BMERB1: variants seen among roughly 807,000 people sequenced by gnomAD.
The protein encoded by BMERB1 is bMERB domain containing 1.
BMERB1 carries 12 observed loss-of-function variants against 23.6 expected under a neutral mutation model. The observed-to-expected ratio is 0.51, with a 90% CI of 0.33 to 0.82. The LOEUF (loss-of-function observed/expected upper bound fraction) is 0.82. BMERB1 is among the 40% of genes least tolerant of loss of function. The pLI is 0.03. For missense variants in BMERB1, 247 were observed against 255.4 expected (o/e 0.97, Z 0.22); for synonymous variants, 122 against 96.6 (o/e 1.26, Z -1.54).
chr16:15,504,461 T>A lies in BMERB1; in HGVS notation c.107-10844T>A, dbSNP rs558997182. Among the ~76,000 whole-genome samples, 548 of 151,328 alleles carry A rather than the reference T, an allele frequency of 3.6e-3. 2 individuals are homozygous for A. Among genetic ancestry groups the A allele is most frequent in the African/African-American group, 8.8e-3 (363 of 41,136 alleles). On this transcript the variant is annotated intron_variant, in intron 1 of 5. Coordinates refer to ENST00000300006, the MANE Select transcript of BMERB1 (RefSeq NM_033201.3). ...TCTTCTTAAATTTTTTTTTTTTTTT[T>A]ATTAAAGATAGTGTCTCACTCTGTC...
At chr16:15,448,861 T>G (rs1421088720) in intron 1 of BMERB1, among the ~76,000 whole-genome samples, 1 of 152,104 alleles carries the variant, frequency 6.6e-6, no homozygotes, top group Non-Finnish European at 1.5e-5. Context: ...CCTTCTGCTT[T>G]GAGGGAAAGA....
intron 2 of BMERB1, among the ~76,000 whole-genome samples, chr16:15,559,564 G>A (rs1236661966): frequency 2.6e-5 from 4 of 152,144 alleles, no homozygotes; most frequent in Non-Finnish European, 5.9e-5. Flanking sequence ...CTGCTGTGAC[G>A]GTCTAGAAGA....
chr16:15,438,031 A>G (rs901751118), intron 1 of BMERB1, among the ~76,000 whole-genome samples: 1 of 151,898 alleles, frequency 6.6e-6, no homozygotes, highest in Non-Finnish European at 1.5e-5. Context: ...CTTGCTTCCT[A>G]GTCAAAGGCA....
intron 1 of BMERB1, among the ~76,000 whole-genome samples, chr16:15,454,263 A>G (rs914067850): frequency 6.6e-6 from 1 of 152,230 alleles, no homozygotes; most frequent in Non-Finnish European, 1.5e-5. Flanking sequence ...AATAGGATGT[A>G]ACATAAAGTC....
chr16:15,537,292 A>AT (rs2052034199), intron 2 of BMERB1, among the ~76,000 whole-genome samples: 1 of 151,824 alleles, frequency 6.6e-6, no homozygotes, highest in Non-Finnish European at 1.5e-5. Context: ...TTTTATTTTT[A>AT]TTTTTTTAAA....
intron 1 of BMERB1, among the ~76,000 whole-genome samples, chr16:15,514,528 A>G (rs922153217): frequency 6.6e-6 from 1 of 152,044 alleles, no homozygotes; most frequent in Non-Finnish European, 1.5e-5. Context: ...TGGTGGCCTC[A>G]CGACTGTAAT....
At chr16:15,492,983 A>C (rs969606090) in intron 1 of BMERB1, among the ~76,000 whole-genome samples, 2 of 149,914 alleles carry the variant, frequency 1.3e-5, no homozygotes, top group Admixed American at 1.4e-4. Flanking sequence ...TCTTCTCTCC[A>C]AACTCACAAC....
At chr16:15,581,424 C>A in intron 4 of BMERB1, 93 bp downstream of exon 4, 3 of 1,022,820 alleles carry the variant, frequency 2.9e-6, no homozygotes, top group Non-Finnish European at 4.3e-6. Context: ...GGACTCACAG[C>A]CTTGCCTAAC....
intron 2 of BMERB1, among the ~76,000 whole-genome samples, chr16:15,553,525 C>T (rs1176500202): frequency 6.6e-6 from 1 of 152,212 alleles, no homozygotes; most frequent in Admixed American, 6.5e-5. Context: ...GATTACTCAC[C>T]TCTGCCACTG....
At chr16:15,570,730 G>T (rs1300402730) in intron 3 of BMERB1, among the ~76,000 whole-genome samples, 4 of 150,920 alleles carry the variant, frequency 2.7e-5, no homozygotes, top group African/African-American at 9.9e-5. Context: ...TCGATTGATT[G>T]TACTTATAGC....
intron 2 of BMERB1, among the ~76,000 whole-genome samples, chr16:15,539,372 C>T (rs1030512765): frequency 2.6e-5 from 4 of 152,122 alleles, no homozygotes; most frequent in African/African-American, 9.7e-5. Flanking sequence ...GCTTCACTCA[C>T]TCACCCGCCA....
rs771121939 is a variant in BMERB1, at chr16:15,586,901, G to A, written c.*72G>A. ...TTGTCTTTATAGCCCCCATTTCACC[G>A]GGGCCCAAGAGCTCTCCAAGGCAGA... On this transcript the variant is annotated 3_prime_UTR_variant, in exon 6 of 6. Coordinates refer to ENST00000300006, the MANE Select transcript of BMERB1 (RefSeq NM_033201.3). 80 of 1,018,522 alleles carry A rather than the reference G, an allele frequency of 7.9e-5. No homozygotes were observed. Among genetic ancestry groups the A allele is most frequent in the East Asian group, 1.1e-4 (4 of 37,800 alleles). The allele number at this position is 1,018,522 out of a possible 1,614,324, so 63.1% of individuals were successfully genotyped here.
At chr16:15,474,227 A>G (rs539700374) in intron 1 of BMERB1, among the ~76,000 whole-genome samples, 1 of 139,650 alleles carries the variant, frequency 7.2e-6, no homozygotes, top group East Asian at 2.1e-4. Context: ...CTTTAGTTTT[A>G]TCTTATTTGG....
intron 1 of BMERB1, among the ~76,000 whole-genome samples, chr16:15,447,301 T>G (rs1455328930): frequency 5.9e-5 from 9 of 152,134 alleles, no homozygotes; most frequent in African/African-American, 1.9e-4. Context: ...GCAAGCACCT[T>G]CTTCACAAGG....
At chr16:15,556,178 C>T (rs1047755603) in intron 2 of BMERB1, among the ~76,000 whole-genome samples, 14 of 133,274 alleles carry the variant, frequency 1.1e-4, no homozygotes, top group Non-Finnish European at 1.6e-4. Flanking sequence ...AACTCCATCT[C>T]AAAAAAAAAA....
intron 1 of BMERB1, among the ~76,000 whole-genome samples, chr16:15,456,890 A>G (rs1011103487): frequency 6.6e-5 from 10 of 152,046 alleles, no homozygotes; most frequent in East Asian, 3.9e-4. Context: ...CAATGGCGCA[A>G]TCTCGGCTCA....
At chr16:15,532,897 C>T in intron 2 of BMERB1, 1 of 422,160 alleles carries the variant, frequency 2.4e-6, no homozygotes, top group Non-Finnish European at 4.7e-6. Flanking sequence ...GGGTTGCTTT[C>T]TGATAAATAG....
In BMERB1 at chr16:15,489,219, T is replaced by G. The variant is rs1200519734; in HGVS notation, c.107-26086T>G. 6.6e-5 allele frequency among the ~76,000 whole-genome samples: 10 copies of G among 152,158 alleles called. No homozygotes were observed. In the East Asian group the frequency reaches 1.7e-3, roughly 26 times the overall value. The stretch of plus-strand genomic sequence containing the variant: ...CAAGTCCTGGGAGCGGTGGTGCCAG[T>G]TGGTTCCCCAAAGGAAACAGGTCCT... On this transcript the variant is annotated intron_variant, in intron 1 of 5. Coordinates refer to ENST00000300006, the MANE Select transcript of BMERB1 (RefSeq NM_033201.3).
At chr16:15,571,389 G>C (rs554945308) in intron 3 of BMERB1, among the ~76,000 whole-genome samples, 151 of 148,296 alleles carry the variant, frequency 1.0e-3, no homozygotes, top group Admixed American at 4.6e-3. Context: ...ACGGAGTCTC[G>C]CTCTGTCCCC....
Sources: gnomAD v4.1 joint callset for allele counts (sites outside exome capture counted in the v4.1 genomes callset) on GRCh38, gnomAD v4.1.1 for gene constraint, MANE v1.5 for transcripts, NCBI Gene and HGNC (gene_info 2026-07-23, HGNC 2026-07-21) for gene names.